Variants in TNNI3K observed in about 807,000 individuals in gnomAD.
TNNI3K encodes the protein serine/threonine-protein kinase TNNI3K.
In TNNI3K, 140 loss-of-function variants were observed where a neutral mutation model predicts 114.5. That is an observed-to-expected ratio of 1.22 (90% CI 1.07 to 1.41). The LOEUF (loss-of-function observed/expected upper bound fraction) is 1.41, where lower values mean the gene tolerates loss of function less well. Among genes scored for constraint, TNNI3K ranks in the 40% most tolerant of loss-of-function variants. The pLI is 0.00. For missense variants in TNNI3K, 1,125 were observed against 1,007.6 expected (o/e 1.12, Z -1.58); for synonymous variants, 347 against 347.5 (o/e 1.00, Z 0.02).
chr1:74,349,259 G>C (rs888510595), intron 9 of TNNI3K, among the ~76,000 whole-genome samples: 2 of 151,952 alleles, frequency 1.3e-5, no homozygotes, highest in African/African-American at 2.4e-5. Context: ...TTTGTCTTTG[G>C]TTCTGTTTAT....
At position 74,369,542 on chromosome 1, in the gene TNNI3K, A is replaced by G. The variant is rs147435094; in HGVS notation, c.1624A>G (p.Ile542Val). The G allele has an allele frequency of 5.6e-6, 9 of 1,611,966 alleles. No individual in the cohort carries two copies. The highest frequency in any genetic ancestry group is 1.3e-5 in the African/African-American group (1 of 74,746). ...PSQFAIVTQY[I>V]SGGSLFSLLH... is the part of the protein sequence containing the mutation. ...CCAGTTTGCCATTGTCACTCAATAC[A>G]TATCAGGGGGTTCTCTGTTCTCCCT... The change falls in exon 16 of 25, where the codon ATA becomes GTA. Residue 542 changes from isoleucine to valine, a missense_variant. By Grantham distance (29) the Ile-to-Val change is conservative (BLOSUM62 3). Transcript: ENST00000326637.
chr1:74,420,471 C>T (rs375504675), intron 17 of TNNI3K, among the ~76,000 whole-genome samples: 24 of 152,224 alleles, frequency 1.6e-4, no homozygotes, highest in African/African-American at 5.8e-4. Flanking sequence ...AGAAATACTT[C>T]AAAGTGCTTC....
intron 17 of TNNI3K, chr1:74,373,002 T>G (rs1041076087): frequency 3.3e-5 from 5 of 151,862 alleles, no homozygotes; most frequent in African/African-American, 1.2e-4. Flanking sequence ...CAAACTATTG[T>G]ATCAATTATT....
intron 23 of TNNI3K, among the ~76,000 whole-genome samples, chr1:74,496,087 C>A (rs180839062): frequency 2.8e-4 from 43 of 152,284 alleles, no homozygotes; most frequent in African/African-American, 1.0e-3. Flanking sequence ...CCAATTAAAC[C>A]AAAACCCATG....
chr1:74,250,701 T>C lies in TNNI3K; in HGVS notation c.265T>C (p.Leu89=), dbSNP rs756565932. The C allele has an allele frequency of 6.2e-7, 1 of 1,613,090 alleles. No individual in the cohort carries two copies. Among genetic ancestry groups the C allele is most frequent in the Non-Finnish European group, 8.5e-7 (1 of 1,179,648 alleles). ...GKKSHIRTLM[L]KGLRPSRLTR... is the part of the protein sequence containing the mutation. ...GAAATCACATATTCGAACTCTTATG[T>C]TGAAAGGGCTCCGCCCATCTCGACT... The change falls in exon 4 of 25, where the codon TTG becomes CTG. Residue 89 remains leucine (L), a synonymous_variant. Transcript: ENST00000326637.
At chr1:74,466,963 C>G (rs564381373) in intron 21 of TNNI3K, among the ~76,000 whole-genome samples, 12 of 152,092 alleles carry the variant, frequency 7.9e-5, no homozygotes, top group African/African-American at 2.7e-4. Flanking sequence ...AGTTAACTGC[C>G]AAGGTTAAGA....
chr1:74,412,436 G>A (rs1415898722), intron 17 of TNNI3K, among the ~76,000 whole-genome samples: 1 of 152,074 alleles, frequency 6.6e-6, no homozygotes, highest in East Asian at 1.9e-4. Flanking sequence ...TTTGCCCTCT[G>A]GAATACTGCT....
At position 74,271,367 on chromosome 1, in the gene TNNI3K, T is replaced by G. The variant is rs113624123; in HGVS notation, c.334-231T>G. Among the ~76,000 whole-genome samples the G allele has an allele frequency of 2.8e-4, 42 of 152,042 alleles. 1 individual carries two copies. The highest frequency in any genetic ancestry group is 1.0e-3 in the African/African-American group (42 of 41,528). ...GGTAATGTCCTTTCTGTCTTTCTTG[T>G]TCAAGCGGTAGAGGATTGATTAGAA... On this transcript the variant is annotated intron_variant, in intron 4 of 24. Transcript: ENST00000326637.
intron 19 of TNNI3K, among the ~76,000 whole-genome samples, chr1:74,437,816 C>G (rs181462289): frequency 6.6e-6 from 1 of 151,864 alleles, no homozygotes; most frequent in East Asian, 2.0e-4. Flanking sequence ...AAGCATAGTG[C>G]CCGAATCTGA....
intron 23 of TNNI3K, among the ~76,000 whole-genome samples, chr1:74,521,555 C>A (rs1322046810): frequency 1.3e-5 from 2 of 151,850 alleles, no homozygotes; most frequent in Non-Finnish European, 2.9e-5. Context: ...TATATGCAGT[C>A]AAAATTAAAT....
chr1:74,255,333 G>T (rs1239727688), intron 4 of TNNI3K, among the ~76,000 whole-genome samples: 1 of 134,714 alleles, frequency 7.4e-6, no homozygotes, highest in Non-Finnish European at 1.5e-5. Flanking sequence ...CAGCCTGGGC[G>T]ACAGAGCGAG....
At chr1:74,410,330 C>T (rs547461681) in intron 17 of TNNI3K, among the ~76,000 whole-genome samples, 155 of 152,164 alleles carry the variant, frequency 1.0e-3, no homozygotes, top group African/African-American at 3.6e-3. Context: ...TATTAATTTT[C>T]CAAAATCACG....
intron 4 of TNNI3K, among the ~76,000 whole-genome samples, chr1:74,266,202 G>A (rs1480467390): frequency 6.6e-6 from 1 of 151,968 alleles, no homozygotes; most frequent in Non-Finnish European, 1.5e-5. Flanking sequence ...CTGGTAGCTT[G>A]GAATTCTCTG....
chr1:74,317,533 A>G (rs1659380937), intron 5 of TNNI3K, among the ~76,000 whole-genome samples: 1 of 152,178 alleles, frequency 6.6e-6, no homozygotes, highest in Non-Finnish European at 1.5e-5. Context: ...GCTGGAGGAA[A>G]TGCAGTGAGG....
At chr1:74,522,775 T>C (rs1027155697) in intron 23 of TNNI3K, among the ~76,000 whole-genome samples, 1 of 152,160 alleles carries the variant, frequency 6.6e-6, no homozygotes, top group Non-Finnish European at 1.5e-5. Context: ...CTGGTGTATT[T>C]CTTAGGTTGA....
At chr1:74,438,053 T>TAATA (rs1228616837) in intron 19 of TNNI3K, among the ~76,000 whole-genome samples, 1 of 151,724 alleles carries the variant, frequency 6.6e-6, no homozygotes, top group Non-Finnish European at 1.5e-5. Context: ...AAATTAGTGC[T>TAATA]AATAAATAAA....
intron 17 of TNNI3K, among the ~76,000 whole-genome samples, chr1:74,424,731 AAAAAG>A (rs1665551664): frequency 6.6e-6 from 1 of 151,566 alleles, no homozygotes; most frequent in East Asian, 1.9e-4. Flanking sequence ...AAAAAAAAAA[AAAAAG>A]AGAGAGACAT....
chr1:74,313,799 A>C (rs1198015168), intron 5 of TNNI3K, among the ~76,000 whole-genome samples: 3 of 152,104 alleles, frequency 2.0e-5, no homozygotes, highest in Non-Finnish European at 4.4e-5. Flanking sequence ...GTGAATATTT[A>C]TGAAGAATTT....
At position 74,352,185 on chromosome 1, in the gene TNNI3K, C is replaced by G. The variant is rs559769916; in HGVS notation, c.933-1081C>G. ...TTCTGTTTGTTAGTTTTCCTTCTAA[C>G]AGTCAGGACCCTCAGCTGCAGGTCT... On this transcript the variant is annotated intron_variant, in intron 9 of 24. Coordinates refer to ENST00000326637, the MANE Select transcript of TNNI3K (RefSeq NM_015978.3). 3.9e-5 allele frequency among the ~76,000 whole-genome samples: 6 copies of G among 152,302 alleles called. No individual in the cohort carries two copies. In the East Asian group the frequency reaches 9.7e-4, roughly 25 times the overall value.
Sources: allele counts gnomAD v4.1 joint callset (sites outside exome capture counted in the v4.1 genomes callset), GRCh38; gene constraint gnomAD v4.1.1; transcripts MANE v1.5; gene names NCBI Gene and HGNC (gene_info 2026-07-23, HGNC 2026-07-21).